The following BABAM2 variants were observed in gnomAD, a reference collection of about 807,000 sequenced individuals.
BABAM2 encodes the protein BRISC and BRCA1-A complex member 2.
Under a neutral mutation model 54.7 loss-of-function variants are expected in BABAM2, and 31 were observed. The observed-to-expected ratio is 0.57, with a 90% CI of 0.43 to 0.77. The LOEUF (loss-of-function observed/expected upper bound fraction) is 0.77. Among genes scored for constraint, BABAM2 ranks in the 30% least tolerant of loss-of-function variants. The probability of loss-of-function intolerance (pLI) is 0.00; values close to 1 mark genes in which losing one functional copy is unlikely to be tolerated. For missense variants in BABAM2, 364 were observed against 455.8 expected (o/e 0.80, Z 1.83); for synonymous variants, 167 against 162.9 (o/e 1.03, Z -0.19).
At chr2:28,238,627 T>G (rs1682134447) in intron 8 of BABAM2, among the ~76,000 whole-genome samples, 1 of 152,226 alleles carries the variant, frequency 6.6e-6, no homozygotes, top group African/African-American at 2.4e-5. Flanking sequence ...ATGCAGGGGT[T>G]GCTTCTCATC....
At position 27,984,466 on chromosome 2, in the gene BABAM2, T is replaced by C. The variant is rs144305313; in HGVS notation, c.206-3527T>C. ...ATTTTATGATTTATCATAGATACAATTGATCATCTGAGATGATGATAGTGG... is the reference window on the plus strand; with the variant it reads ...ATTTTATGATTTATCATAGATACAACTGATCATCTGAGATGATGATAGTGG... On this transcript the variant is annotated intron_variant, in intron 3 of 11. Coordinates refer to ENST00000379624, the MANE Select transcript of BABAM2 (RefSeq NM_199191.3). 6.3e-3 allele frequency among the ~76,000 whole-genome samples: 963 copies of C among 152,188 alleles called. 7 individuals are homozygous for C. The highest frequency in any genetic ancestry group is 7.9e-3 in the Non-Finnish European group (535 of 67,954).
At chr2:27,964,052 A>G (rs916584427) in intron 3 of BABAM2, among the ~76,000 whole-genome samples, 1 of 152,210 alleles carries the variant, frequency 6.6e-6, no homozygotes, top group Non-Finnish European at 1.5e-5. Context: ...GGTACCTTTA[A>G]GAGGTGATCA....
At chr2:28,041,593 A>G (rs1032496713) in intron 5 of BABAM2, among the ~76,000 whole-genome samples, 1 of 152,172 alleles carries the variant, frequency 6.6e-6, no homozygotes, top group African/African-American at 2.4e-5. Flanking sequence ...GATCCGTGTT[A>G]GTGCTTATTT....
At chr2:28,323,048 G>A (rs181451203) in intron 11 of BABAM2, among the ~76,000 whole-genome samples, 97 of 152,298 alleles carry the variant, frequency 6.4e-4, no homozygotes, top group African/African-American at 2.2e-3. Flanking sequence ...GCCCGTGGCT[G>A]TGAAAGCAGA....
chr2:28,078,343 GC>G (rs11363251), intron 6 of BABAM2, among the ~76,000 whole-genome samples: 58,628 of 151,438 alleles, frequency 0.39, 11,883 homozygotes, highest in South Asian at 0.61. Context: ...CTTAATTATG[GC>G]CCCAAAGTGC....
At chr2:28,103,196 A>G (rs971337579) in intron 6 of BABAM2, among the ~76,000 whole-genome samples, 8 of 152,208 alleles carry the variant, frequency 5.3e-5, no homozygotes, top group Admixed American at 1.3e-4. Flanking sequence ...GTAAGGCCTT[A>G]TAGCCAGTGT....
chr2:28,117,779 T>C (rs1204963818), intron 6 of BABAM2, among the ~76,000 whole-genome samples: 2 of 152,060 alleles, frequency 1.3e-5, no homozygotes, highest in Non-Finnish European at 2.9e-5. Context: ...GCTTTACGGA[T>C]TGGGGCCTGG....
At chr2:28,312,095 AGCCAAGGCAGGAG>A (rs758310789) in intron 11 of BABAM2, among the ~76,000 whole-genome samples, 7 of 152,200 alleles carry the variant, frequency 4.6e-5, no homozygotes, top group Non-Finnish European at 8.8e-5. Context: ...TGTGGAGTCC[AGCCAAGGCAGGAG>A]GGCCAAGCCG....
chr2:28,011,081 C>G (rs1432457459), intron 4 of BABAM2, among the ~76,000 whole-genome samples: 1 of 152,088 alleles, frequency 6.6e-6, no homozygotes, highest in Non-Finnish European at 1.5e-5. Context: ...ACTGGAGGTT[C>G]CCACTCAAAA....
At chr2:28,087,288 C>G (rs1665737651) in intron 6 of BABAM2, among the ~76,000 whole-genome samples, 1 of 152,080 alleles carries the variant, frequency 6.6e-6, no homozygotes, top group African/African-American at 2.4e-5. Context: ...TGATGTAGGT[C>G]CCATTTTTAC....
chr2:28,054,233 A>G (rs1475861541), intron 6 of BABAM2, among the ~76,000 whole-genome samples: 1 of 151,996 alleles, frequency 6.6e-6, no homozygotes, highest in East Asian at 1.9e-4. Flanking sequence ...CGTGGTTTTT[A>G]TACCATGGTC....
intron 6 of BABAM2, among the ~76,000 whole-genome samples, chr2:28,047,533 G>A (rs1249225744): frequency 6.6e-6 from 1 of 152,040 alleles, no homozygotes; most frequent in African/African-American, 2.4e-5. Context: ...ATTCTTGAAG[G>A]GTCAAAGGAA....
rs892547494 is a variant in BABAM2, at chr2:28,329,272, C to T, written c.1089-9178C>T. On this transcript the variant is annotated intron_variant, in intron 11 of 11. Coordinates refer to ENST00000379624, the MANE Select transcript of BABAM2 (RefSeq NM_199191.3). The surrounding 1 kb of genome is among the most constrained non-coding windows in gnomAD (Gnocchi z 4.2). ...AAAACTGTCTATGGCACTTTTTGCT[C>T]GGGGCTCTGCAGCGTTCACTAACCC... Among the ~76,000 whole-genome samples the T allele has an allele frequency of 2.0e-5, 3 of 152,154 alleles. No homozygotes were observed. Among genetic ancestry groups the T allele is most frequent in the Admixed American group, 6.5e-5 (1 of 15,278 alleles).
chr2:28,324,129 G>C (rs966663598), intron 11 of BABAM2, among the ~76,000 whole-genome samples: 1 of 152,190 alleles, frequency 6.6e-6, no homozygotes, highest in African/African-American at 2.4e-5. Flanking sequence ...GTGCAATGGG[G>C]GTTGGCAGTA....
At chr2:27,930,435 A>G (rs976205406) in intron 3 of BABAM2, 1 of 153,914 alleles carries the variant, frequency 6.5e-6, no homozygotes, top group Non-Finnish European at 1.4e-5. Context: ...CAAACGGTCT[A>G]CAAGGGCTAG....
intron 7 of BABAM2, among the ~76,000 whole-genome samples, chr2:28,210,766 G>T (rs1029583846): frequency 1.3e-5 from 2 of 152,218 alleles, no homozygotes; most frequent in African/African-American, 2.4e-5. Context: ...AAGCTGTCAT[G>T]AAATACTTTT....
chr2:27,934,115 C>A (rs1364029484), intron 3 of BABAM2, among the ~76,000 whole-genome samples: 2 of 151,826 alleles, frequency 1.3e-5, no homozygotes, highest in Non-Finnish European at 2.9e-5. Flanking sequence ...CTGTGTTGAG[C>A]AAGTTTATCA....
intron 3 of BABAM2, among the ~76,000 whole-genome samples, chr2:27,954,790 A>C (rs148967168): frequency 6.6e-6 from 1 of 152,310 alleles, no homozygotes; most frequent in East Asian, 1.9e-4. Flanking sequence ...AGCATTGCCA[A>C]TTGTAAGGCT....
intron 6 of BABAM2, among the ~76,000 whole-genome samples, chr2:28,049,280 T>A (rs1015735388): frequency 2.2e-4 from 33 of 152,164 alleles, no homozygotes; most frequent in African/African-American, 7.0e-4. Context: ...AACTGGAGGG[T>A]TAAATAGCAA....
Sources: gnomAD v4.1 joint callset for allele counts (sites outside exome capture counted in the v4.1 genomes callset) on GRCh38, gnomAD v4.1.1 for gene constraint, Gnocchi (gnomAD v3.1) non-coding constraint, MANE v1.5 for transcripts, NCBI Gene and HGNC (gene_info 2026-07-23, HGNC 2026-07-21) for gene names.